Variants in JADE1 observed in about 807,000 individuals in gnomAD.
The protein encoded by JADE1 is protein Jade-1.
JADE1 carries 14 observed loss-of-function variants against 81.8 expected under a neutral mutation model. That is an observed-to-expected ratio of 0.17 (90% CI 0.11 to 0.27). The LOEUF is 0.27. JADE1 is among the 10% of genes least tolerant of loss of function. The pLI, the probability that JADE1 is intolerant of heterozygous loss-of-function variation, is 1.00. For synonymous variants in JADE1, 353 were observed against 391.9 expected, an observed-to-expected ratio of 0.90 and a Z score of 1.17; for missense variants, 690 against 1,047.9, an observed-to-expected ratio of 0.66 and a Z score of 4.71.
intron 1 of JADE1, among the ~76,000 whole-genome samples, chr4:128,822,660 G>A (rs751227867): frequency 1.9e-4 from 29 of 151,906 alleles, no homozygotes; most frequent in Admixed American, 2.0e-4. Flanking sequence ...CGGAGGTTGC[G>A]GTGAGCCGAG....
At chr4:128,864,639 T>C (rs753745485) in intron 9 of JADE1, 86 of 982,046 alleles carry the variant, frequency 8.8e-5, no homozygotes, top group Non-Finnish European at 1.0e-4. Context: ...CCAACTTGTT[T>C]TCTCAAGTAA....
intron 9 of JADE1, among the ~76,000 whole-genome samples, chr4:128,866,916 TAGA>T (rs1388805281): frequency 2.0e-5 from 3 of 152,190 alleles, no homozygotes; most frequent in Non-Finnish European, 4.4e-5. Flanking sequence ...GGTTGACCAA[TAGA>T]AGATTTTAGG....
At chr4:128,849,775 G>T (rs546036759) in intron 5 of JADE1, among the ~76,000 whole-genome samples, 1 of 152,084 alleles carries the variant, frequency 6.6e-6, no homozygotes, top group Non-Finnish European at 1.5e-5. Context: ...GTATGTAGAC[G>T]TTGGAGCATC....
At chr4:128,859,256 A>C (rs1262761304) in intron 8 of JADE1, among the ~76,000 whole-genome samples, 1 of 151,428 alleles carries the variant, frequency 6.6e-6, no homozygotes, top group Non-Finnish European at 1.5e-5. Context: ...ATATGTGTGC[A>C]TGTGTGGGGG....
chr4:128,819,363 G>A (rs1382929632), intron 1 of JADE1, among the ~76,000 whole-genome samples: 1 of 152,140 alleles, frequency 6.6e-6, no homozygotes, highest in African/African-American at 2.4e-5. Context: ...CTGGTCTCAG[G>A]CAGTTCTCCT....
chr4:128,872,223 A>G lies in JADE1; in HGVS notation c.2490A>G (p.Arg830=). 6.2e-7 allele frequency: 1 copy of G among 1,614,152 alleles called. No individual in the cohort carries two copies. Among genetic ancestry groups the G allele is most frequent in the African/African-American group, 1.3e-5 (1 of 75,064 alleles). Residue 830 remains arginine (R), a synonymous_variant, in exon 11 of 11, where the codon AGA becomes AGG. Coordinates refer to ENST00000226319, the MANE Select transcript of JADE1 (RefSeq NM_199320.4). ...TACACACCAGCAGCACTATCAGCAG[A>G]AGGACAGACATTATCAGGAGAAGCA... ...KCIHTSSTIS[R]RTDIIRRSIL... is the part of the protein sequence containing the mutation.
intron 1 of JADE1, among the ~76,000 whole-genome samples, chr4:128,813,158 A>G (rs747508896): frequency 6.6e-6 from 1 of 152,184 alleles, no homozygotes; most frequent in Admixed American, 6.5e-5. Flanking sequence ...AGTAAGTTGC[A>G]TTTTGATCAT....
rs950380797 is a variant in JADE1 at position 128,874,482 on chromosome 4, C to CAA, written c.*2223_*2224dup. 7.0e-6 allele frequency: 1 copy of CAA among 143,558 alleles called. No homozygotes were observed. Among genetic ancestry groups the CAA allele is most frequent in the Non-Finnish European group, 1.5e-5 (1 of 67,000 alleles). The allele number at this position is 143,558 out of a possible 1,614,324, so 8.9% of individuals were successfully genotyped here. A position where few individuals can be genotyped will look rare whatever the true frequency, so the allele number is the denominator to read the frequency against. ...CCAAGTTATGCTGAACCAAAAAAAA[C>CAA]AAAACAAAAACAAAACAAAAAATAT... On this transcript the variant is annotated 3_prime_UTR_variant, in exon 11 of 11. Transcript: ENST00000226319.
chr4:128,812,714 G>A (rs1446800590), intron 1 of JADE1, among the ~76,000 whole-genome samples: 1 of 152,246 alleles, frequency 6.6e-6, no homozygotes, highest in Non-Finnish European at 1.5e-5. Flanking sequence ...CGTTAGGAAT[G>A]CGTCGTCATC....
intron 2 of JADE1, among the ~76,000 whole-genome samples, chr4:128,839,266 C>T (rs1310782801): frequency 6.6e-6 from 1 of 152,188 alleles, no homozygotes; most frequent in Non-Finnish European, 1.5e-5. Flanking sequence ...AATACCTGCT[C>T]CTGGAGATGG....
Position 128,818,427 on chromosome 4 carries a change from A to C in JADE1, c.-27+8550A>C, listed in dbSNP as rs140788230. Among the ~76,000 whole-genome samples the C allele has an allele frequency of 1.5e-3, 234 of 152,246 alleles. 3 individuals are homozygous for C. Among genetic ancestry groups the C allele is most frequent in the East Asian group, 0.014 (71 of 5,174 alleles). ...TGAGCCACCATGGCCGGCCATAGTT[A>C]GGGACTTCCTAAGGAGTGATTGTGT... On this transcript the variant is annotated intron_variant, in intron 1 of 10. Transcript: ENST00000226319.
At position 128,871,948 on chromosome 4, in the gene JADE1, A is replaced by C. The variant is rs1296446848; in HGVS notation, c.2215A>C (p.Thr739Pro). The C allele has an allele frequency of 6.2e-7, 1 of 1,614,006 alleles. No individual in the cohort carries two copies. The highest frequency in any genetic ancestry group is 2.2e-5 in the East Asian group (1 of 44,806). Residue 739 changes from threonine to proline, a missense_variant, in exon 11 of 11, where the codon ACA becomes CCA. By Grantham distance (38) the Thr-to-Pro change is conservative. Coordinates refer to ENST00000226319, the MANE Select transcript of JADE1 (RefSeq NM_199320.4). The surrounding 1 kb of genome is among the most constrained non-coding windows in gnomAD (Gnocchi z 4.1). Reference protein sequence around the residue: ...NYNQTAVKVPTTPASPVKNWG... With the variant: ...NYNQTAVKVPPTPASPVKNWG... Reference sequence around the variant, plus strand: ...TAATCAGACTGCAGTCAAAGTGCCTACAACACCTGCCAGCCCAGTGAAAAA... The same window carrying C: ...TAATCAGACTGCAGTCAAAGTGCCTCCAACACCTGCCAGCCCAGTGAAAAA...
At chr4:128,835,650 A>G (rs892868623) in intron 2 of JADE1, among the ~76,000 whole-genome samples, 2 of 152,278 alleles carry the variant, frequency 1.3e-5, no homozygotes, top group African/African-American at 4.8e-5. Context: ...TGCAGTGGCC[A>G]CACCTCAGCC....
intron 2 of JADE1, among the ~76,000 whole-genome samples, chr4:128,839,935 A>T (rs554447727): frequency 6.6e-6 from 1 of 152,208 alleles, no homozygotes; most frequent in Non-Finnish European, 1.5e-5. Context: ...CCTGTCTGCA[A>T]AGTGAGTTTA....
intron 6 of JADE1, among the ~76,000 whole-genome samples, chr4:128,854,600 C>T (rs1579205984): frequency 1.3e-5 from 2 of 152,296 alleles, no homozygotes; most frequent in South Asian, 4.1e-4. Context: ...GTGGTTTCCT[C>T]TTTGCATCGT....
At chr4:128,860,495 A>G (rs1731228728) in intron 8 of JADE1, among the ~76,000 whole-genome samples, 1 of 152,166 alleles carries the variant, frequency 6.6e-6, no homozygotes, top group Admixed American at 6.5e-5. Flanking sequence ...CTGTTGAATG[A>G]GTTGAATTCA....
intron 9 of JADE1, chr4:128,863,235 T>G: frequency 1.0e-6 from 1 of 985,588 alleles, no homozygotes; most frequent in Non-Finnish European, 1.2e-6. Flanking sequence ...TCCTGCTCCC[T>G]GTAGGTAGTT....
At chr4:128,864,456 G>A (rs1731631839) in intron 9 of JADE1, 1 of 985,264 alleles carries the variant, frequency 1.0e-6, no homozygotes, top group Non-Finnish European at 1.2e-6. Flanking sequence ...AGTTTAAAAT[G>A]GGCTTATTGT....
chr4:128,812,796 C>T (rs111602489), intron 1 of JADE1, among the ~76,000 whole-genome samples: 1 of 152,256 alleles, frequency 6.6e-6, no homozygotes, highest in Non-Finnish European at 1.5e-5. Flanking sequence ...CTTACTTCGG[C>T]AGGGGCGAGG....
Sources: allele counts gnomAD v4.1 joint callset (sites outside exome capture counted in the v4.1 genomes callset), GRCh38; gene constraint gnomAD v4.1.1; non-coding constraint Gnocchi (gnomAD v3.1); transcripts MANE v1.5; gene names NCBI Gene and HGNC (gene_info 2026-07-23, HGNC 2026-07-21).